Variants in HYDIN observed in about 807,000 individuals in gnomAD.
The protein encoded by HYDIN is axonemal central pair apparatus protein HYDIN.
In HYDIN, 132 loss-of-function variants were observed where a neutral mutation model predicts 403.9. That is an observed-to-expected ratio of 0.33 (90% confidence interval 0.28 to 0.38). HYDIN has a LOEUF of 0.38. Ranked by LOEUF, HYDIN falls within the 10% of genes least tolerant of loss-of-function variation. HYDIN has a pLI of 1.00. For synonymous variants in HYDIN, 1,202 were observed against 1,891.7 expected (o/e 0.64, Z 9.46); for missense variants, 2,827 against 5,009.5 (o/e 0.56, Z 13.15).
At chr16:71,028,716 G>C (rs2080803094) in intron 19 of HYDIN, among the ~76,000 whole-genome samples, 1 of 151,924 alleles carries the variant, frequency 6.6e-6, no homozygotes, top group African/African-American at 2.4e-5. Context: ...CTGGTAAGTT[G>C]AACCATGAAA....
At chr16:71,107,556 C>G (rs1328129879) in intron 10 of HYDIN, among the ~76,000 whole-genome samples, 1 of 151,900 alleles carries the variant, frequency 6.6e-6, no homozygotes, top group African/African-American at 2.4e-5. Context: ...ATGTGGCCTA[C>G]AAGCATATGA....
chr16:71,034,675 T>C (rs2081029131), intron 18 of HYDIN, among the ~76,000 whole-genome samples: 2 of 152,096 alleles, frequency 1.3e-5, no homozygotes, highest in African/African-American at 2.4e-5. Context: ...ACATGGGAAA[T>C]AAGTAAATTG....
intron 55 of HYDIN, 105 bp downstream of exon 55, chr16:70,894,344 C>T (rs749670770): frequency 1.6e-5 from 24 of 1,531,918 alleles, no homozygotes; most frequent in African/African-American, 6.8e-5. Context: ...ACTTGACGGC[C>T]GCAAACCCTA....
intron 45 of HYDIN, among the ~76,000 whole-genome samples, chr16:70,932,793 AGTT>A (rs1287148203): frequency 2.0e-5 from 3 of 152,254 alleles, no homozygotes; most frequent in Admixed American, 2.0e-4. Flanking sequence ...AAAAATATTC[AGTT>A]GTTCACCCAT....
At chr16:70,950,064 C>T (rs144602336) in intron 41 of HYDIN, among the ~76,000 whole-genome samples, 4,811 of 140,292 alleles carry the variant, frequency 0.034, 178 homozygotes, top group African/African-American at 0.12. Context: ...TCTGTTTTCA[C>T]GGTGTCAGAA....
At chr16:70,848,681 C>T (rs976066853) in intron 75 of HYDIN, among the ~76,000 whole-genome samples, 1 of 102,374 alleles carries the variant, frequency 9.8e-6, no homozygotes, top group African/African-American at 3.9e-5. Flanking sequence ...GCAGGACATG[C>T]CTTTGACACT....
chr16:71,200,116 T>C (rs1439010421), intron 1 of HYDIN, among the ~76,000 whole-genome samples: 2 of 152,164 alleles, frequency 1.3e-5, no homozygotes, highest in Non-Finnish European at 2.9e-5. Flanking sequence ...AGTTTAAAAA[T>C]GCCATGACAA....
intron 1 of HYDIN, among the ~76,000 whole-genome samples, chr16:71,222,710 C>G (rs950072514): frequency 1.3e-5 from 2 of 152,084 alleles, no homozygotes; most frequent in African/African-American, 4.8e-5. Flanking sequence ...AGAATCAAAT[C>G]AAGAGCTCAA....
At chr16:71,058,619 TA>T (rs200369366) in intron 18 of HYDIN, among the ~76,000 whole-genome samples, 2,296 of 128,320 alleles carry the variant, frequency 0.018, 40 homozygotes, top group South Asian at 0.076. Flanking sequence ...TAAATAAAAT[TA>T]AAAAAAAAAA....
chr16:71,057,292 C>G (rs370970368), intron 18 of HYDIN, among the ~76,000 whole-genome samples: 22 of 150,070 alleles, frequency 1.5e-4, no homozygotes, highest in Middle Eastern at 3.4e-3. Context: ...AGTGCTAGAG[C>G]ACGATTGGAG....
chr16:71,059,858 G>T (rs1393930354), intron 18 of HYDIN, among the ~76,000 whole-genome samples: 1 of 151,850 alleles, frequency 6.6e-6, no homozygotes, highest in Non-Finnish European at 1.5e-5. Context: ...ATTGTTCAAG[G>T]GTCAACTGTA....
At chr16:70,937,669 CAAAAA>C (rs55658404) in intron 44 of HYDIN, among the ~76,000 whole-genome samples, 11 of 80,964 alleles carry the variant, frequency 1.4e-4, no homozygotes, top group Non-Finnish European at 2.1e-4. Context: ...GAGTCTGTCT[CAAAAA>C]AAAAAAAAAA....
At chr16:71,054,207 A>G (rs1175682413) in intron 18 of HYDIN, among the ~76,000 whole-genome samples, 1 of 152,294 alleles carries the variant, frequency 6.6e-6, no homozygotes, top group Non-Finnish European at 1.5e-5. Flanking sequence ...ATTTTGTAAA[A>G]CCCATCAGAA....
rs1240973718 is a variant in HYDIN at position 71,069,504 on chromosome 16, T to C, written c.1739-2A>G. 1.9e-6 allele frequency: 3 copies of C among 1,611,600 alleles called. No homozygotes were observed. Among genetic ancestry groups the C allele is most frequent in the Non-Finnish European group, 2.5e-6 (3 of 1,178,458 alleles). On this transcript the variant is annotated splice_acceptor_variant, in intron 13 of 85. Transcript: ENST00000393567. LOFTEE classifies it high-confidence loss of function. ...AACATATCAAGGTATGAGGAAACCC[T>C]GGAAAACAAAATATGATGTGAGAAA...
intron 41 of HYDIN, among the ~76,000 whole-genome samples, chr16:70,944,823 G>A (rs1481717225): frequency 6.6e-6 from 1 of 152,164 alleles, no homozygotes; most frequent in Non-Finnish European, 1.5e-5. Context: ...TGCCATCTTG[G>A]CTCACTGCAA....
chr16:71,174,303 A>C (rs529020417), intron 5 of HYDIN, among the ~76,000 whole-genome samples: 26 of 152,306 alleles, frequency 1.7e-4, no homozygotes, highest in Non-Finnish European at 3.5e-4. Flanking sequence ...TCTCCAGAAA[A>C]GTAGTAACAA....
rs2076594763 is a variant in HYDIN at position 70,908,362 on chromosome 16, CTCA to C, written c.8283_8285del (p.Asp2761del). 7.5e-7 allele frequency: 1 copy of C among 1,330,466 alleles called. No individual in the cohort carries two copies. Among genetic ancestry groups the C allele is most frequent in the African/African-American group, 1.5e-5 (1 of 68,770 alleles). The allele number at this position is 1,330,466 out of a possible 1,614,324, so 82.4% of individuals were successfully genotyped here. ...TAAAGGTTTGGTCAAAGTTCCCGAA[CTCA>C]TCAGAAGAGAAGTGCACCTGCAACG... is the stretch of plus-strand genomic sequence containing the variant. On this transcript the variant is annotated inframe_deletion, in exon 49 of 86. Transcript: ENST00000393567.
intron 1 of HYDIN, 111 bp downstream of exon 1, chr16:71,230,450 CT>C (rs1172259027): frequency 7.6e-7 from 1 of 1,314,684 alleles, no homozygotes; most frequent in Non-Finnish European, 1.0e-6. Flanking sequence ...TCTGGAAAGT[CT>C]GGAGAACGCC....
At chr16:70,892,929 G>C (rs780044229) in intron 55 of HYDIN, among the ~76,000 whole-genome samples, 4 of 152,288 alleles carry the variant, frequency 2.6e-5, no homozygotes, top group South Asian at 2.1e-4. Context: ...CAGCAGGGAG[G>C]GGGCAGGGGT....
Sources: gnomAD v4.1 joint callset for allele counts (sites outside exome capture counted in the v4.1 genomes callset) on GRCh38, gnomAD v4.1.1 for gene constraint, MANE v1.5 for transcripts, NCBI Gene and HGNC (gene_info 2026-07-23, HGNC 2026-07-21) for gene names.